Variants in CCSER1 observed in about 807,000 individuals in gnomAD.
CCSER1 encodes the protein coiled-coil serine rich protein 1.
CCSER1 carries 41 observed loss-of-function variants against 82.0 expected under a neutral mutation model. That is an observed-to-expected ratio of 0.50 (90% CI 0.39 to 0.65). The LOEUF (loss-of-function observed/expected upper bound fraction) is 0.65, where lower values mean the gene tolerates loss of function less well. Among genes scored for constraint, CCSER1 ranks in the 30% least tolerant of loss-of-function variants. The pLI is 0.00. For synonymous variants in CCSER1, 414 were observed against 383.9 expected, an observed-to-expected ratio of 1.08 and a Z score of -0.92; for missense variants, 1,119 against 1,064.2, an observed-to-expected ratio of 1.05 and a Z score of -0.72.
At chr4:90,935,851 G>T (rs911743390) in intron 9 of CCSER1, among the ~76,000 whole-genome samples, 3 of 151,576 alleles carry the variant, frequency 2.0e-5, no homozygotes, top group Non-Finnish European at 2.9e-5. Flanking sequence ...GTACTATGTG[G>T]TTCTCTTTTT....
chr4:90,579,979 G>A (rs1781249259), intron 5 of CCSER1, among the ~76,000 whole-genome samples: 1 of 151,932 alleles, frequency 6.6e-6, no homozygotes, highest in South Asian at 2.1e-4. Flanking sequence ...TTAATAGTAA[G>A]TGAAAATAAA....
intron 10 of CCSER1, among the ~76,000 whole-genome samples, chr4:91,484,881 C>G (rs1167319634): frequency 6.6e-6 from 1 of 152,286 alleles, no homozygotes; most frequent in East Asian, 1.9e-4. Context: ...AATCAAAAGT[C>G]TAAATCGATA....
In CCSER1 at chr4:90,879,305, C is replaced by T. The variant is rs984872313; in HGVS notation, c.2095-44065C>T. On this transcript the variant is annotated intron_variant, in intron 8 of 10. Coordinates refer to ENST00000509176, the MANE Select transcript of CCSER1 (RefSeq NM_001145065.2). ...TATACTGGCTATTTTGTCCTTCACC[C>T]CCTGTATTGCCTTATTGTGATTCTT... Among the ~76,000 whole-genome samples, 7 of 152,164 alleles carry T rather than the reference C, an allele frequency of 4.6e-5. No individual in the cohort carries two copies. The East Asian group carries it at 1.4e-3, about 29-fold the overall frequency.
intron 1 of CCSER1, among the ~76,000 whole-genome samples, chr4:90,286,884 A>G (rs1420001704): frequency 6.6e-6 from 1 of 151,986 alleles, no homozygotes; most frequent in African/African-American, 2.4e-5. Context: ...TTAAACTGCT[A>G]CAAAGAGGTG....
At chr4:91,482,408 C>CAAAAA (rs537828832) in intron 10 of CCSER1, among the ~76,000 whole-genome samples, 1 of 69,978 alleles carries the variant, frequency 1.4e-5, no homozygotes, top group Admixed American at 2.0e-4. Flanking sequence ...GACTCCGTCT[C>CAAAAA]AAAAAAAAAA....
intron 1 of CCSER1, among the ~76,000 whole-genome samples, chr4:90,210,530 A>T (rs1578511688): frequency 6.6e-6 from 1 of 151,468 alleles, no homozygotes; most frequent in Non-Finnish European, 1.5e-5. Flanking sequence ...TACAGCCTCA[A>T]CCTCTGGGGC....
At chr4:90,621,007 G>A (rs1326506679) in intron 5 of CCSER1, among the ~76,000 whole-genome samples, 2 of 152,036 alleles carry the variant, frequency 1.3e-5, no homozygotes, top group East Asian at 3.9e-4. Flanking sequence ...TTAGTAGGGA[G>A]GGGGTTTCAC....
chr4:90,145,458 T>C (rs1212869286), intron 1 of CCSER1, among the ~76,000 whole-genome samples: 1 of 152,178 alleles, frequency 6.6e-6, no homozygotes, highest in African/African-American at 2.4e-5. Flanking sequence ...GCTTTTCAGT[T>C]TCATGCTCTG....
chr4:90,846,839 G>A (rs975978614), intron 8 of CCSER1, among the ~76,000 whole-genome samples: 4 of 151,998 alleles, frequency 2.6e-5, no homozygotes, highest in African/African-American at 9.7e-5. Context: ...AGTAGAGATG[G>A]GATTTCACCA....
intron 10 of CCSER1, among the ~76,000 whole-genome samples, chr4:91,140,589 G>A (rs1728930662): frequency 6.6e-6 from 1 of 151,902 alleles, no homozygotes; most frequent in Non-Finnish European, 1.5e-5. Context: ...TTATTAAAAA[G>A]GAAATTTCTT....
intron 10 of CCSER1, among the ~76,000 whole-genome samples, chr4:91,260,483 A>G (rs1487510260): frequency 6.6e-6 from 1 of 152,224 alleles, no homozygotes; most frequent in Non-Finnish European, 1.5e-5. Flanking sequence ...CCCACTGTAT[A>G]GATGAAGCAA....
At chr4:91,375,857 T>A (rs1156931050) in intron 10 of CCSER1, among the ~76,000 whole-genome samples, 1 of 17,496 alleles carries the variant, frequency 5.7e-5, no homozygotes, top group Non-Finnish European at 1.7e-4. Context: ...AATATAGAAT[T>A]TTAGTATTTG....
intron 10 of CCSER1, among the ~76,000 whole-genome samples, chr4:91,463,920 C>T (rs969899098): frequency 6.6e-6 from 1 of 152,116 alleles, no homozygotes; most frequent in Non-Finnish European, 1.5e-5. Flanking sequence ...ACCAAGTTGG[C>T]AAACACTCTG....
At chr4:90,232,176 T>G (rs1041377264) in intron 1 of CCSER1, among the ~76,000 whole-genome samples, 4 of 151,974 alleles carry the variant, frequency 2.6e-5, no homozygotes, top group Non-Finnish European at 4.4e-5. Context: ...TCAATCCTAA[T>G]CCAAAAGAAC....
chr4:90,179,339 G>A (rs1318962802), intron 1 of CCSER1, among the ~76,000 whole-genome samples: 1 of 152,162 alleles, frequency 6.6e-6, no homozygotes, highest in Non-Finnish European at 1.5e-5. Context: ...TTATCTAACT[G>A]CATGTCCTCA....
intron 10 of CCSER1, among the ~76,000 whole-genome samples, chr4:91,393,243 C>A (rs1296848423): frequency 6.6e-6 from 1 of 151,832 alleles, no homozygotes; most frequent in African/African-American, 2.4e-5. Context: ...TCTACTAGAT[C>A]TCTCTAGGAT....
At chr4:90,451,939 G>A (rs1158763335) in intron 4 of CCSER1, among the ~76,000 whole-genome samples, 1 of 152,154 alleles carries the variant, frequency 6.6e-6, no homozygotes, top group Non-Finnish European at 1.5e-5. Flanking sequence ...GAGGAAGTTT[G>A]TCTCTTTCCA....
chr4:90,605,421 G>T (rs1784571518), intron 5 of CCSER1, among the ~76,000 whole-genome samples: 1 of 152,144 alleles, frequency 6.6e-6, no homozygotes, highest in Non-Finnish European at 1.5e-5. Context: ...ATTCCTTAAA[G>T]TCACGTATTA....
At chr4:91,423,152 G>C (rs534903485) in intron 10 of CCSER1, among the ~76,000 whole-genome samples, 1 of 151,974 alleles carries the variant, frequency 6.6e-6, no homozygotes, top group Non-Finnish European at 1.5e-5. Context: ...CTGGCCTGGC[G>C]CTGTGGCTCA....
Sources: gnomAD v4.1 joint callset for allele counts (sites outside exome capture counted in the v4.1 genomes callset) on GRCh38, gnomAD v4.1.1 for gene constraint, MANE v1.5 for transcripts, NCBI Gene and HGNC (gene_info 2026-07-23, HGNC 2026-07-21) for gene names.